Variants in TRIT1 observed in about 807,000 individuals in gnomAD.
TRIT1 encodes tRNA isopentenyltransferase 1.
TRIT1 carries 43 observed loss-of-function variants against 51.2 expected under a neutral mutation model. The ratio of observed to expected loss-of-function variants is 0.84; its 90% CI spans 0.66 to 1.08. TRIT1 has a LOEUF of 1.08. Among genes scored for constraint, TRIT1 ranks in the 50% least tolerant of loss-of-function variants. The probability of loss-of-function intolerance (pLI) is 0.00; values close to 1 mark genes in which losing one functional copy is unlikely to be tolerated. For missense variants in TRIT1, 528 were observed against 578.4 expected, an observed-to-expected ratio of 0.91 and a Z score of 0.89; for synonymous variants, 184 against 203.9, an observed-to-expected ratio of 0.90 and a Z score of 0.83.
chr1:39,876,528 GTATCTATCTATC>G lies in TRIT1; in HGVS notation c.174+6778_174+6789del, dbSNP rs1553147778. Among the ~76,000 whole-genome samples the G allele has an allele frequency of 2.3e-4, 30 of 127,664 alleles. 1 individual carries two copies. The highest frequency in any genetic ancestry group is 7.1e-4 in the South Asian group (3 of 4,204). The allele number at this position is 127,664 out of a possible 152,430, so 83.8% of individuals were successfully genotyped here. A position where few individuals can be genotyped will look rare whatever the true frequency, so the allele number is the denominator to read the frequency against. On this transcript the variant is annotated intron_variant, in intron 1 of 10. Transcript: ENST00000316891. ...ACCTAGAAACTCATTATTTATATGT[GTATCTATCTATC>G]TATCTATCTATCTATCTATATATAT... is the stretch of plus-strand genomic sequence containing the variant.
chr1:39,879,822 A>G (rs1422008945), intron 1 of TRIT1, among the ~76,000 whole-genome samples: 1 of 144,568 alleles, frequency 6.9e-6, no homozygotes, highest in Admixed American at 7.2e-5. Flanking sequence ...CAGTGAGCCA[A>G]GATGGTGTCA....
chr1:39,863,793 A>G (rs891710477), intron 1 of TRIT1, among the ~76,000 whole-genome samples: 2 of 152,116 alleles, frequency 1.3e-5, no homozygotes, highest in Non-Finnish European at 2.9e-5. Context: ...ATAAACAACA[A>G]CAACAACAAA....
chr1:39,860,922 A>G (rs1270354654), intron 1 of TRIT1, among the ~76,000 whole-genome samples: 1 of 152,298 alleles, frequency 6.6e-6, no homozygotes, highest in East Asian at 1.9e-4. Flanking sequence ...TATTAAAAAT[A>G]CAAAAATCAG....
chr1:39,869,723 A>T (rs1643773745), intron 1 of TRIT1, among the ~76,000 whole-genome samples: 1 of 137,480 alleles, frequency 7.3e-6, no homozygotes, highest in South Asian at 2.4e-4. Flanking sequence ...CCACGACCCC[A>T]TCTGGGAACT....
At chr1:39,876,745 G>A (rs1302302312) in intron 1 of TRIT1, among the ~76,000 whole-genome samples, 6 of 151,640 alleles carry the variant, frequency 4.0e-5, no homozygotes, top group African/African-American at 1.2e-4. Context: ...TGGCTAACAC[G>A]GTGAAACCCT....
At chr1:39,853,357 T>C (rs1301026327) in intron 3 of TRIT1, among the ~76,000 whole-genome samples, 3 of 152,086 alleles carry the variant, frequency 2.0e-5, no homozygotes. Context: ...TTTTTTAATA[T>C]AATTTTTCTA....
intron 1 of TRIT1, among the ~76,000 whole-genome samples, chr1:39,879,592 T>C (rs923213053): frequency 6.6e-5 from 10 of 151,574 alleles, no homozygotes; most frequent in East Asian, 1.9e-4. Flanking sequence ...GTTACAGCAG[T>C]GCCAGGCGCA....
chr1:39,856,635 CAG>C (rs1316105797), intron 2 of TRIT1, among the ~76,000 whole-genome samples: 1 of 151,858 alleles, frequency 6.6e-6, no homozygotes, highest in African/African-American at 2.4e-5. Flanking sequence ...TATAGCAATC[CAG>C]ATACTAAAGG....
chr1:39,852,207 T>C (rs1250052310), intron 4 of TRIT1, among the ~76,000 whole-genome samples: 1 of 152,116 alleles, frequency 6.6e-6, no homozygotes, highest in Non-Finnish European at 1.5e-5. Context: ...AAACCTAACA[T>C]GAGGCTGCAA....
At chr1:39,863,002 G>A in intron 1 of TRIT1, 2 of 965,046 alleles carry the variant, frequency 2.1e-6, no homozygotes, top group Non-Finnish European at 2.5e-6. Flanking sequence ...TGACAACTAA[G>A]GGACAACTGG....
chr1:39,881,225 TC>T (rs1272756376), intron 1 of TRIT1, among the ~76,000 whole-genome samples: 122 of 106,890 alleles, frequency 1.1e-3, no homozygotes, highest in African/African-American at 4.0e-3. Flanking sequence ...AAACTCTGTC[TC>T]CAAAAAAAAA....
Position 39,841,737 on chromosome 1 carries a change from A to G in TRIT1, c.*7T>C, listed in dbSNP as rs745713927. On this transcript the variant is annotated 3_prime_UTR_variant, in exon 11 of 11. Coordinates refer to ENST00000316891, the MANE Select transcript of TRIT1 (RefSeq NM_017646.6). ...ACCACCTTTCCAAAGGCCACTGGAC[A>G]TGTCTCTTAAACGCTGCATTTCAGC... is the stretch of plus-strand genomic sequence containing the variant. 6.2e-7 allele frequency: 1 copy of G among 1,606,630 alleles called. No individual in the cohort carries two copies. Among genetic ancestry groups the G allele is most frequent in the Non-Finnish European group, 8.5e-7 (1 of 1,177,188 alleles).
chr1:39,880,066 T>G (rs543581894), intron 1 of TRIT1, among the ~76,000 whole-genome samples: 1 of 151,350 alleles, frequency 6.6e-6, no homozygotes, highest in Non-Finnish European at 1.5e-5. Flanking sequence ...TCCTAGCTGC[T>G]CGGGAGGCTG....
intron 1 of TRIT1, among the ~76,000 whole-genome samples, chr1:39,864,597 CAAA>C (rs58041605): frequency 9.7e-4 from 94 of 97,274 alleles, no homozygotes; most frequent in Middle Eastern, 5.8e-3. Context: ...GACTCTGTCT[CAAA>C]AAAAAAAAAA....
At chr1:39,876,595 T>A (rs1461573818) in intron 1 of TRIT1, among the ~76,000 whole-genome samples, 1 of 149,488 alleles carries the variant, frequency 6.7e-6, no homozygotes, top group Non-Finnish European at 1.5e-5. Context: ...AATTTTGAGA[T>A]TTCCTTTTTA....
intron 4 of TRIT1, among the ~76,000 whole-genome samples, chr1:39,852,019 GA>G (rs1452410030): frequency 6.6e-6 from 1 of 151,658 alleles, no homozygotes; most frequent in Non-Finnish European, 1.5e-5. Flanking sequence ...AAGTTTCACT[GA>G]GGGGGGTAAA....
chr1:39,854,094 T>C, intron 2 of TRIT1, 26 bp from the exon 3 acceptor site: 2 of 1,504,112 alleles, frequency 1.3e-6, no homozygotes, highest in South Asian at 1.2e-5. Context: ...GATATCACGA[T>C]ATCAAGAGAA....
Position 39,847,909 on chromosome 1 carries a change from A to T in TRIT1, c.815+77T>A, listed in dbSNP as rs1642326058. 4 of 1,426,860 alleles carry T rather than the reference A, an allele frequency of 2.8e-6. No homozygotes were observed. In the Admixed American group the frequency reaches 7.2e-5, roughly 26 times the overall value. The allele number at this position is 1,426,860 out of a possible 1,614,324, so 88.4% of individuals were successfully genotyped here. ...AAGGCTGATAAACAAGTAGACCCAAAGCCAGTATTAGCGTTATGGTCTTTT... is the reference window on the plus strand; with the variant it reads ...AAGGCTGATAAACAAGTAGACCCAATGCCAGTATTAGCGTTATGGTCTTTT... On this transcript the variant is annotated intron_variant, in intron 6 of 10. Transcript: ENST00000316891.
rs114806141 is a variant in TRIT1 at position 39,853,195 on chromosome 1, A to G, written c.415-319T>C. On this transcript the variant is annotated intron_variant, in intron 3 of 10. Coordinates refer to ENST00000316891, the MANE Select transcript of TRIT1 (RefSeq NM_017646.6). ...CTTCTCAGCAAGGGTGAACAAGGAG[A>G]CCAGGATTGCCAGTGAATTACAGTT... Among the ~76,000 whole-genome samples the G allele has an allele frequency of 4.1e-3, 617 of 152,212 alleles. 3 individuals are homozygous for G. Among genetic ancestry groups the G allele is most frequent in the African/African-American group, 0.014 (601 of 41,526 alleles).
Sources: gnomAD v4.1 joint callset for allele counts (sites outside exome capture counted in the v4.1 genomes callset) on GRCh38, gnomAD v4.1.1 for gene constraint, MANE v1.5 for transcripts, NCBI Gene and HGNC (gene_info 2026-07-23, HGNC 2026-07-21) for gene names.